Variants in TMEM38B observed in about 807,000 individuals in gnomAD.
The protein encoded by TMEM38B is trimeric intracellular cation channel type B.
TMEM38B carries 24 observed loss-of-function variants against 28.7 expected under a neutral mutation model. The ratio of observed to expected loss-of-function variants is 0.84; its 90% CI spans 0.61 to 1.18. TMEM38B has a LOEUF of 1.18. Among genes scored for constraint, TMEM38B ranks in the 50% most tolerant of loss-of-function variants. The pLI is 0.00. For missense variants in TMEM38B, 380 were observed against 350.9 expected, an observed-to-expected ratio of 1.08 and a Z score of -0.66; for synonymous variants, 131 against 127.7, an observed-to-expected ratio of 1.03 and a Z score of -0.17.
chr9:105,724,623 C>CA (rs767187191), intron 4 of TMEM38B, among the ~76,000 whole-genome samples: 122 of 88,854 alleles, frequency 1.4e-3, no homozygotes, highest in South Asian at 3.1e-3. Context: ...GACTCTGTCT[C>CA]AAAAAAAAAA....
chr9:105,742,016 G>C (rs1032171535), intron 4 of TMEM38B, among the ~76,000 whole-genome samples: 5 of 152,180 alleles, frequency 3.3e-5, no homozygotes, highest in African/African-American at 1.2e-4. Flanking sequence ...TTTGCCTAGT[G>C]ACATGGATTG....
intron 5 of TMEM38B, among the ~76,000 whole-genome samples, chr9:105,756,712 A>G (rs1404504792): frequency 6.6e-6 from 1 of 152,176 alleles, no homozygotes; most frequent in Non-Finnish European, 1.5e-5. Flanking sequence ...ATGTAATAAT[A>G]ATAAAGATAT....
chr9:105,764,420 C>T (rs1379769359), intron 5 of TMEM38B, among the ~76,000 whole-genome samples: 3 of 152,128 alleles, frequency 2.0e-5, no homozygotes, highest in Non-Finnish European at 4.4e-5. Context: ...AAATCACAAG[C>T]ATTCTTATAC....
chr9:105,705,417 C>A (rs1485717213), intron 1 of TMEM38B, among the ~76,000 whole-genome samples, 180 bp from the exon 2 acceptor site: 1 of 152,102 alleles, frequency 6.6e-6, no homozygotes, highest in Non-Finnish European at 1.5e-5. Context: ...AAAATGTTTC[C>A]AGTCTTGCTT....
At chr9:105,699,073 TG>T (rs1488660920) in intron 1 of TMEM38B, among the ~76,000 whole-genome samples, 1 of 152,182 alleles carries the variant, frequency 6.6e-6, no homozygotes, top group Admixed American at 6.5e-5. Flanking sequence ...TTATGTCCTA[TG>T]GTAATTTTTT....
rs549183927 is a variant in TMEM38B at position 105,758,448 on chromosome 9, A to C, written c.660+10258A>C. On this transcript the variant is annotated intron_variant, in intron 5 of 5. Coordinates refer to ENST00000374692, the MANE Select transcript of TMEM38B (RefSeq NM_018112.3). ...CAGACAACACTTTAAAAAATATGGCAGTTGTTTCACAGCAGGAGAAGCAGT... is the reference window on the plus strand; with the variant it reads ...CAGACAACACTTTAAAAAATATGGCCGTTGTTTCACAGCAGGAGAAGCAGT... 1.1e-3 allele frequency: 1,535 copies of C among 1,377,698 alleles called. 3 individuals are homozygous for C. Among genetic ancestry groups the C allele is most frequent in the Non-Finnish European group, 1.5e-3 (1,481 of 964,774 alleles). The allele number at this position is 1,377,698 out of a possible 1,614,324, so 85.3% of individuals were successfully genotyped here.
intron 5 of TMEM38B, chr9:105,758,785 A>G (rs2133635693): frequency 3.7e-6 from 3 of 821,384 alleles, no homozygotes; most frequent in African/African-American, 1.7e-5. Context: ...CATGGATTAC[A>G]TTTATCTCAG....
chr9:105,734,812 G>T (rs901436696), intron 4 of TMEM38B, among the ~76,000 whole-genome samples: 2 of 149,514 alleles, frequency 1.3e-5, no homozygotes, highest in African/African-American at 4.9e-5. Context: ...CTTTCAGCCT[G>T]TGTGCATCCT....
chr9:105,710,454 G>A (rs779067548), intron 2 of TMEM38B: 138 of 1,406,356 alleles, frequency 9.8e-5, no homozygotes, highest in Middle Eastern at 2.5e-4. Flanking sequence ...TCATCATAGC[G>A]TGAAGAACTG....
chr9:105,718,924 A>C (rs533575931), intron 2 of TMEM38B, among the ~76,000 whole-genome samples: 1 of 152,354 alleles, frequency 6.6e-6, no homozygotes, highest in African/African-American at 2.4e-5. Flanking sequence ...TTTTCAAAGC[A>C]TGTACAAAAA....
Position 105,694,585 on chromosome 9 carries a change from C to T in TMEM38B, c.-76C>T, listed in dbSNP as rs553413660. ...AGGAGCGGGCGGCCGCGGCTGTGCCCTCTCCTACTCCTCACCGCGCGAGCG... is the reference window on the plus strand; with the variant it reads ...AGGAGCGGGCGGCCGCGGCTGTGCCTTCTCCTACTCCTCACCGCGCGAGCG... On this transcript the variant is annotated 5_prime_UTR_variant, in exon 1 of 6. Coordinates refer to ENST00000374692, the MANE Select transcript of TMEM38B (RefSeq NM_018112.3). The T allele has an allele frequency of 9.7e-6, 12 of 1,232,112 alleles. No individual in the cohort carries two copies. The East Asian group carries it at 1.3e-4, about 13-fold the overall frequency. 76.3% of individuals were successfully genotyped at this position (1,232,112 alleles called of 1,614,324 possible). A position where few individuals can be genotyped will look rare whatever the true frequency, so the allele number is the denominator to read the frequency against.
At chr9:105,739,166 T>A (rs1239632153) in intron 4 of TMEM38B, among the ~76,000 whole-genome samples, 1 of 152,218 alleles carries the variant, frequency 6.6e-6, no homozygotes, top group African/African-American at 2.4e-5. Flanking sequence ...TGAGCATAGA[T>A]GTATGGGTTT....
intron 2 of TMEM38B, among the ~76,000 whole-genome samples, chr9:105,706,000 A>G (rs1005528836): frequency 1.3e-5 from 2 of 151,178 alleles, no homozygotes; most frequent in Non-Finnish European, 2.9e-5. Context: ...TCCTGGGTTC[A>G]AGTGATTCTT....
At chr9:105,758,826 A>T in intron 5 of TMEM38B, 1 of 915,644 alleles carries the variant, frequency 1.1e-6, no homozygotes, top group Non-Finnish European at 1.8e-6. Flanking sequence ...GCATGAAATA[A>T]TCAATGAAGA....
chr9:105,747,028 T>A (rs1433218786), intron 4 of TMEM38B, among the ~76,000 whole-genome samples: 1 of 152,222 alleles, frequency 6.6e-6, no homozygotes, highest in African/African-American at 2.4e-5. Context: ...GGTATTGGTC[T>A]AAAATTCTCT....
chr9:105,728,841 A>G (rs1428011714), intron 4 of TMEM38B, among the ~76,000 whole-genome samples: 1 of 151,990 alleles, frequency 6.6e-6, no homozygotes. Flanking sequence ...GATAATGAAC[A>G]TTTTTTCATA....
At chr9:105,712,446 T>A (rs1239379047) in intron 2 of TMEM38B, among the ~76,000 whole-genome samples, 1 of 152,246 alleles carries the variant, frequency 6.6e-6, no homozygotes, top group Non-Finnish European at 1.5e-5. Flanking sequence ...CCAGAGCCAG[T>A]CGATTTGCAG....
chr9:105,753,318 C>T (rs1025875231), intron 5 of TMEM38B, among the ~76,000 whole-genome samples: 3 of 151,960 alleles, frequency 2.0e-5, no homozygotes, highest in African/African-American at 7.3e-5. Flanking sequence ...TCCAGGGAAC[C>T]CAGTTAGATA....
intron 5 of TMEM38B, among the ~76,000 whole-genome samples, chr9:105,751,556 G>T (rs1181329883): frequency 6.6e-6 from 1 of 152,184 alleles, no homozygotes; most frequent in Non-Finnish European, 1.5e-5. Flanking sequence ...TTCCTAGGAA[G>T]AGGGCTGAAT....
Sources: gnomAD v4.1 joint callset for allele counts (sites outside exome capture counted in the v4.1 genomes callset) on GRCh38, gnomAD v4.1.1 for gene constraint, MANE v1.5 for transcripts, NCBI Gene and HGNC (gene_info 2026-07-23, HGNC 2026-07-21) for gene names.